The following AGBL1 variants were observed in gnomAD, a reference collection of about 807,000 sequenced individuals.
AGBL1 encodes cytosolic carboxypeptidase 4.
Under a neutral mutation model 118.9 loss-of-function variants are expected in AGBL1, and 130 were observed. The ratio of observed to expected loss-of-function variants is 1.09; its 90% CI spans 0.95 to 1.26. The LOEUF (loss-of-function observed/expected upper bound fraction) is 1.26, where lower values mean the gene tolerates loss of function less well. Among genes scored for constraint, AGBL1 ranks in the 50% most tolerant of loss-of-function variants. AGBL1 has a pLI of 0.00. For missense variants in AGBL1, 1,584 were observed against 1,298.1 expected (o/e 1.22, Z -3.38); for synonymous variants, 555 against 478.9 (o/e 1.16, Z -2.08).
At chr15:86,962,509 A>T (rs1254549988) in intron 23 of AGBL1, among the ~76,000 whole-genome samples, 1 of 152,080 alleles carries the variant, frequency 6.6e-6, no homozygotes, top group Non-Finnish European at 1.5e-5. Context: ...TCGTTTCACC[A>T]CAAAACACTT....
At chr15:86,840,384 T>A (rs1415870384) in intron 22 of AGBL1, among the ~76,000 whole-genome samples, 2 of 152,194 alleles carry the variant, frequency 1.3e-5, no homozygotes, top group African/African-American at 4.8e-5. Flanking sequence ...TGGACCAAGC[T>A]TAAGCTCCCA....
chr15:86,719,272 A>G (rs992736528), intron 22 of AGBL1, among the ~76,000 whole-genome samples: 1 of 152,204 alleles, frequency 6.6e-6, no homozygotes, highest in Non-Finnish European at 1.5e-5. Context: ...CAGCAGTCAG[A>G]TAGGAGACAA....
At chr15:86,661,794 T>C (rs924223080) in intron 21 of AGBL1, among the ~76,000 whole-genome samples, 3 of 152,124 alleles carry the variant, frequency 2.0e-5, no homozygotes, top group African/African-American at 7.2e-5. Context: ...CAGGGCTCCA[T>C]ACCAAGTCAC....
chr15:86,857,741 C>T (rs953387847), intron 22 of AGBL1, among the ~76,000 whole-genome samples: 1 of 152,200 alleles, frequency 6.6e-6, no homozygotes, highest in African/African-American at 2.4e-5. Flanking sequence ...CGGTGTCCGT[C>T]TCATTTACCA....
chr15:86,685,947 C>T (rs950681918), intron 22 of AGBL1, among the ~76,000 whole-genome samples: 2 of 152,150 alleles, frequency 1.3e-5, no homozygotes, highest in African/African-American at 2.4e-5. Flanking sequence ...AAGATCGTAA[C>T]ATCCTCCACT....
Position 86,397,405 on chromosome 15 carries a change from C to T in AGBL1, c.2414C>T (p.Pro805Leu). Residue 805 changes from proline to leucine, a missense_variant, in exon 18 of 23, where the codon CCA (proline) becomes CTA (leucine). Coordinates refer to ENST00000614907, the MANE Select transcript of AGBL1 (RefSeq NM_001386094.1). ...PYQVITARVH[P>L]GESNASWVMK... ...CAGGTGATCACTGCTCGAGTTCATCCAGGAGAGAGCAATGCCAGTTGGGTG... is the reference window on the plus strand; with the variant it reads ...CAGGTGATCACTGCTCGAGTTCATCTAGGAGAGAGCAATGCCAGTTGGGTG... 6.2e-7 allele frequency: 1 copy of T among 1,612,542 alleles called. No homozygotes were observed.
chr15:86,804,883 G>T (rs529028568), intron 22 of AGBL1, among the ~76,000 whole-genome samples: 3 of 152,048 alleles, frequency 2.0e-5, no homozygotes, highest in Non-Finnish European at 2.9e-5. Flanking sequence ...AAGAAGCATC[G>T]GTGGCCAGAA....
At chr15:86,338,049 G>A (rs545467755) in intron 17 of AGBL1, among the ~76,000 whole-genome samples, 1 of 152,038 alleles carries the variant, frequency 6.6e-6, no homozygotes, top group Non-Finnish European at 1.5e-5. Flanking sequence ...CTAGTGAAGG[G>A]ACACATAAAC....
chr15:86,359,238 G>C (rs902877211), intron 17 of AGBL1, among the ~76,000 whole-genome samples: 1 of 151,840 alleles, frequency 6.6e-6, no homozygotes, highest in Non-Finnish European at 1.5e-5. Context: ...TCAGCATGTG[G>C]ATATCCAGTT....
chr15:86,894,023 T>A (rs2080088224), intron 22 of AGBL1, among the ~76,000 whole-genome samples: 1 of 152,170 alleles, frequency 6.6e-6, no homozygotes, highest in African/African-American at 2.4e-5. Context: ...ATGTTTTGTT[T>A]CTGATTTATA....
intron 20 of AGBL1, among the ~76,000 whole-genome samples, chr15:86,546,355 G>A (rs1369561990): frequency 1.3e-5 from 2 of 151,448 alleles, no homozygotes; most frequent in Non-Finnish European, 2.9e-5. Flanking sequence ...CTTTGCCCCT[G>A]TTTTCTATGT....
chr15:86,623,453 G>A (rs1376285184), intron 21 of AGBL1, among the ~76,000 whole-genome samples: 1 of 152,228 alleles, frequency 6.6e-6, no homozygotes, highest in African/African-American at 2.4e-5. Context: ...TGGTACAGCT[G>A]TCTAGGATAT....
rs141997995 is a variant in AGBL1, at chr15:86,282,435, C to A, written c.2220+2652C>A. Among the ~76,000 whole-genome samples, 6 of 152,220 alleles carry A rather than the reference C, an allele frequency of 3.9e-5. No individual in the cohort carries two copies. The East Asian group carries it at 1.2e-3, about 29-fold the overall frequency. On this transcript the variant is annotated intron_variant, in intron 16 of 22. Coordinates refer to ENST00000614907, the MANE Select transcript of AGBL1 (RefSeq NM_001386094.1). ...CCTACTGACTGTGAATGTCTTCCTC[C>A]AGGGAAGTTTGTGGAGAGTTAATGA...
At chr15:86,792,325 T>C (rs1303257246) in intron 22 of AGBL1, among the ~76,000 whole-genome samples, 1 of 152,196 alleles carries the variant, frequency 6.6e-6, no homozygotes, top group Admixed American at 6.5e-5. Flanking sequence ...GATTCTAGAA[T>C]AATTTGTTTA....
intron 3 of AGBL1, among the ~76,000 whole-genome samples, chr15:86,148,455 A>G (rs1251473779): frequency 2.6e-5 from 4 of 152,224 alleles, no homozygotes; most frequent in Admixed American, 2.0e-4. Context: ...GCTGAAAAAC[A>G]TGGCACAAGA....
intron 22 of AGBL1, among the ~76,000 whole-genome samples, chr15:86,717,718 A>G (rs1363243843): frequency 6.6e-6 from 1 of 152,082 alleles, no homozygotes; most frequent in Non-Finnish European, 1.5e-5. Flanking sequence ...TGCCCCATTG[A>G]TACCTCCCAG....
chr15:86,512,847 T>C (rs535982013), intron 18 of AGBL1, among the ~76,000 whole-genome samples: 54 of 151,890 alleles, frequency 3.6e-4, no homozygotes, highest in African/African-American at 1.3e-3. Context: ...ATTTACAAAA[T>C]GATATTTTCT....
At chr15:86,295,439 A>G (rs1205672883) in intron 17 of AGBL1, 31 bp downstream of exon 17, 2 of 1,530,532 alleles carry the variant, frequency 1.3e-6, no homozygotes, top group African/African-American at 1.4e-5. Context: ...TTCGTAGAAG[A>G]TTTGACTAAG....
At chr15:86,145,917 G>T (rs1405240528) in intron 3 of AGBL1, among the ~76,000 whole-genome samples, 1 of 152,152 alleles carries the variant, frequency 6.6e-6, no homozygotes, top group Non-Finnish European at 1.5e-5. Context: ...AGACTGGCAT[G>T]GTCAGGAGAG....
Sources: gnomAD v4.1 joint callset for allele counts (sites outside exome capture counted in the v4.1 genomes callset) on GRCh38, gnomAD v4.1.1 for gene constraint, MANE v1.5 for transcripts, NCBI Gene and HGNC (gene_info 2026-07-23, HGNC 2026-07-21) for gene names.